Variants in CDK14 observed in about 807,000 individuals in gnomAD.
The protein encoded by CDK14 is cyclin dependent kinase 14.
Under a neutral mutation model 60.7 loss-of-function variants are expected in CDK14, and 34 were observed. The observed-to-expected ratio is 0.56, with a 90% CI of 0.43 to 0.75. CDK14 has a LOEUF of 0.75. CDK14 is among the 30% of genes least tolerant of loss of function. The pLI, the probability that CDK14 is intolerant of heterozygous loss-of-function variation, is 0.00. For missense variants in CDK14, 482 were observed against 564.1 expected (o/e 0.85, Z 1.47); for synonymous variants, 197 against 203.7 (o/e 0.97, Z 0.28).
chr7:90,633,643 T>G (rs1800056953), intron 2 of CDK14, among the ~76,000 whole-genome samples: 1 of 152,232 alleles, frequency 6.6e-6, no homozygotes, highest in African/African-American at 2.4e-5. Context: ...GAATAAAATC[T>G]ATCTTTTGTC....
rs185846804 is a variant in CDK14, at chr7:90,664,767, C to T, written c.123+60518C>T. 8.9e-3 allele frequency among the ~76,000 whole-genome samples: 1,204 copies of T among 135,792 alleles called. 20 individuals carry two copies. The highest frequency in any genetic ancestry group is 0.03 in the African/African-American group (1,081 of 36,038). The allele number at this position is 135,792 out of a possible 152,430, so 89.1% of individuals were successfully genotyped here. ...GAACACATGGACACAGGAAGGGGAA[C>T]ATCACACTCTGGGGACTGTTGTGGG... On this transcript the variant is annotated intron_variant, in intron 2 of 14. Transcript: ENST00000380050.
chr7:91,016,387 A>G (rs370908349), intron 10 of CDK14, among the ~76,000 whole-genome samples: 1 of 152,302 alleles, frequency 6.6e-6, no homozygotes, highest in East Asian at 1.9e-4. Context: ...GGTCCTAAAC[A>G]TGCTCTCATA....
At chr7:90,898,824 G>T (rs1016577275) in intron 6 of CDK14, among the ~76,000 whole-genome samples, 3 of 151,824 alleles carry the variant, frequency 2.0e-5, no homozygotes, top group Non-Finnish European at 2.9e-5. Context: ...TATTTTTTCT[G>T]AATATGGACA....
intron 2 of CDK14, among the ~76,000 whole-genome samples, chr7:90,657,628 TTTTTAA>T (rs1465716861): frequency 5.3e-5 from 8 of 152,142 alleles, no homozygotes; most frequent in African/African-American, 1.9e-4. Context: ...AGGGACTGAA[TTTTTAA>T]TTTTAATGAA....
chr7:90,936,446 A>G (rs1793754845), intron 8 of CDK14, among the ~76,000 whole-genome samples: 1 of 152,234 alleles, frequency 6.6e-6, no homozygotes, highest in South Asian at 2.1e-4. Context: ...AAATATTCAT[A>G]AAATGTACTA....
At chr7:90,665,424 C>G (rs1472247674) in intron 2 of CDK14, among the ~76,000 whole-genome samples, 1 of 151,836 alleles carries the variant, frequency 6.6e-6, no homozygotes. Context: ...TGTTTTTTGC[C>G]CTTGAGGAGT....
intron 11 of CDK14, among the ~76,000 whole-genome samples, chr7:91,057,237 C>T (rs1797601920): frequency 6.6e-6 from 1 of 152,210 alleles, no homozygotes; most frequent in African/African-American, 2.4e-5. Flanking sequence ...ATATCCTTCG[C>T]CCACTTGTTG....
chr7:90,853,688 G>A (rs1040950107), intron 5 of CDK14, among the ~76,000 whole-genome samples: 1 of 152,160 alleles, frequency 6.6e-6, no homozygotes, highest in Non-Finnish European at 1.5e-5. Context: ...TTTTGTCTGT[G>A]TTACCTCTGT....
chr7:90,651,957 T>A (rs1800654751), intron 2 of CDK14, among the ~76,000 whole-genome samples: 2 of 152,160 alleles, frequency 1.3e-5, no homozygotes. Flanking sequence ...TAATTTTGGC[T>A]TTACCAGTTC....
chr7:91,102,600 C>T (rs1354994583), intron 12 of CDK14, among the ~76,000 whole-genome samples: 2 of 150,336 alleles, frequency 1.3e-5, no homozygotes, highest in African/African-American at 4.9e-5. Flanking sequence ...TAGAGGGAGT[C>T]TTTTAGAACT....
chr7:90,925,338 C>T (rs1482854795), intron 8 of CDK14, among the ~76,000 whole-genome samples: 1 of 152,060 alleles, frequency 6.6e-6, no homozygotes, highest in East Asian at 1.9e-4. Flanking sequence ...TTAGATCCAG[C>T]CATAGAGTTG....
At chr7:90,977,697 C>T (rs1234272087) in intron 9 of CDK14, among the ~76,000 whole-genome samples, 3 of 152,062 alleles carry the variant, frequency 2.0e-5, no homozygotes, top group Non-Finnish European at 4.4e-5. Context: ...ATCCACACTC[C>T]CTCTCCACTC....
At chr7:90,773,674 AT>A (rs1804875893) in intron 4 of CDK14, among the ~76,000 whole-genome samples, 1 of 151,922 alleles carries the variant, frequency 6.6e-6, no homozygotes, top group Non-Finnish European at 1.5e-5. Context: ...GCCTGGCTCT[AT>A]TTTTGAATTA....
intron 5 of CDK14, among the ~76,000 whole-genome samples, chr7:90,832,253 G>A (rs781270543): frequency 1.3e-5 from 2 of 152,094 alleles, no homozygotes; most frequent in African/African-American, 2.4e-5. Context: ...ATAATTCTTG[G>A]CACCAGTAAG....
intron 6 of CDK14, among the ~76,000 whole-genome samples, chr7:90,896,683 A>C (rs1379545273): frequency 6.6e-6 from 1 of 152,210 alleles, no homozygotes; most frequent in Non-Finnish European, 1.5e-5. Context: ...CAAAATAAAA[A>C]GTTTGCTGAG....
intron 10 of CDK14, among the ~76,000 whole-genome samples, chr7:90,998,562 T>C (rs1795749348): frequency 6.6e-6 from 1 of 152,186 alleles, no homozygotes; most frequent in Admixed American, 6.5e-5. Context: ...CATTTTCTGT[T>C]GCTGTAATAG....
At chr7:90,708,890 G>A (rs972332353) in intron 2 of CDK14, among the ~76,000 whole-genome samples, 2 of 152,072 alleles carry the variant, frequency 1.3e-5, no homozygotes, top group African/African-American at 2.4e-5. Context: ...TCTGTGTACC[G>A]AGGACAGGAA....
At chr7:90,723,316 T>C (rs1248593824) in intron 2 of CDK14, among the ~76,000 whole-genome samples, 1 of 152,198 alleles carries the variant, frequency 6.6e-6, no homozygotes, top group African/African-American at 2.4e-5. Context: ...ATGGGTCTCT[T>C]GCAGATGCTC....
At chr7:91,192,512 G>T (rs935727764) in intron 14 of CDK14, among the ~76,000 whole-genome samples, 1 of 152,116 alleles carries the variant, frequency 6.6e-6, no homozygotes, top group African/African-American at 2.4e-5. Context: ...TTAGTTGTCT[G>T]CAATCCCTTC....
Sources: allele counts gnomAD v4.1 joint callset (sites outside exome capture counted in the v4.1 genomes callset), GRCh38; gene constraint gnomAD v4.1.1; transcripts MANE v1.5; gene names NCBI Gene and HGNC (gene_info 2026-07-23, HGNC 2026-07-21).